ITGA11: variants seen among roughly 807,000 people sequenced by gnomAD.
ITGA11 encodes integrin alpha-11.
ITGA11 carries 97 observed loss-of-function variants against 141.9 expected under a neutral mutation model. That is an observed-to-expected ratio of 0.68 (90% CI 0.58 to 0.81). The LOEUF (loss-of-function observed/expected upper bound fraction) is 0.81. Ranked by LOEUF, ITGA11 falls within the 30% of genes least tolerant of loss-of-function variation. The pLI is 0.00. For missense variants in ITGA11, 1,387 were observed against 1,559.2 expected (o/e 0.89, Z 1.86); for synonymous variants, 658 against 624.6 (o/e 1.05, Z -0.80).
intron 2 of ITGA11, among the ~76,000 whole-genome samples, chr15:68,371,578 C>T (rs1050821681): frequency 2.0e-5 from 3 of 151,840 alleles, no homozygotes; most frequent in Non-Finnish European, 4.4e-5. Context: ...AGTAGCTGGG[C>T]GTGGTGGTGG....
At chr15:68,415,536 T>C (rs1481537008) in intron 1 of ITGA11, among the ~76,000 whole-genome samples, 19 of 152,142 alleles carry the variant, frequency 1.2e-4, no homozygotes, top group Admixed American at 1.2e-3. Context: ...ATTATCTCAT[T>C]TGGGAAACAG....
At chr15:68,415,393 G>T (rs975185718) in intron 1 of ITGA11, among the ~76,000 whole-genome samples, 2 of 152,218 alleles carry the variant, frequency 1.3e-5, no homozygotes, top group African/African-American at 2.4e-5. Context: ...CCATTTGAAG[G>T]CTGGATAGAG....
chr15:68,410,787 C>T (rs1049573175), intron 1 of ITGA11, among the ~76,000 whole-genome samples: 11 of 152,106 alleles, frequency 7.2e-5, no homozygotes, highest in African/African-American at 9.7e-5. Context: ...GGCACTAGTG[C>T]GATAGAGCAA....
At chr15:68,378,093 C>T (rs1895772142) in intron 2 of ITGA11, among the ~76,000 whole-genome samples, 1 of 152,192 alleles carries the variant, frequency 6.6e-6, no homozygotes, top group African/African-American at 2.4e-5. Context: ...GGAGTGTCTA[C>T]ATGTGTAATG....
Position 68,297,644 on chromosome 15 carries a change from T to C in ITGA11, c.*5415A>G, listed in dbSNP as rs1015225696. On this transcript the variant is annotated 3_prime_UTR_variant, in exon 30 of 30. Transcript: ENST00000315757. ...ATGGTTTTTTTTGTTTTTAAAGAAA[T>C]AAATTTTCAGTTACTTCTTTTGGAT... The C allele has an allele frequency of 1.3e-5, 2 of 152,070 alleles. No homozygotes were observed. Among genetic ancestry groups the C allele is most frequent in the East Asian group, 3.8e-4 (2 of 5,196 alleles). The allele number at this position is 152,070 out of a possible 1,614,324, so 9.4% of individuals were successfully genotyped here.
chr15:68,343,427 T>C (rs181306410), intron 10 of ITGA11, among the ~76,000 whole-genome samples: 135 of 152,318 alleles, frequency 8.9e-4, no homozygotes, highest in Non-Finnish European at 1.6e-3. Flanking sequence ...TTCACAAATA[T>C]TCTTCAGACA....
Position 68,297,883 on chromosome 15 carries a change from G to A in ITGA11, c.*5176C>T, listed in dbSNP as rs1892943520. 6.6e-6 allele frequency: 1 copy of A among 152,108 alleles called. No homozygotes were observed. The highest frequency in any genetic ancestry group is 2.1e-4 in the South Asian group (1 of 4,824). The allele number at this position is 152,108 out of a possible 1,614,324, so 9.4% of individuals were successfully genotyped here. ...TCTCATTTTATAGTTCAGGACACAA[G>A]CCCAGAAAGGCCACACAAGGACTAT... On this transcript the variant is annotated 3_prime_UTR_variant, in exon 30 of 30. Transcript: ENST00000315757.
intron 23 of ITGA11, 65 bp downstream of exon 23, chr15:68,313,714 C>G (rs1243564846): frequency 1.5e-6 from 2 of 1,296,378 alleles, no homozygotes; most frequent in Admixed American, 3.8e-5. Flanking sequence ...GATGCCCCCC[C>G]TTAGGCCTCC....
Position 68,317,249 on chromosome 15 carries a change from T to C in ITGA11, c.2715+16A>G, listed in dbSNP as rs1185041282. 41 of 1,590,594 alleles carry C rather than the reference T, an allele frequency of 2.6e-5. No homozygotes were observed. Among genetic ancestry groups the C allele is most frequent in the Non-Finnish European group, 3.3e-5 (38 of 1,159,168 alleles). ...TGCCCACCCTGACCCTCCCCCACAT[T>C]GTCCCCAGTCTCAACCTTGGCCTTG... On this transcript the variant is annotated intron_variant, in intron 21 of 29. Coordinates refer to ENST00000315757, the MANE Select transcript of ITGA11 (RefSeq NM_001004439.2).
chr15:68,335,143 G>A lies in ITGA11; in HGVS notation c.1425+554C>T, dbSNP rs570245045. Among the ~76,000 whole-genome samples the A allele has an allele frequency of 1.3e-5, 2 of 152,132 alleles. No homozygotes were observed. The highest frequency in any genetic ancestry group is 4.8e-5 in the African/African-American group (2 of 41,442). On this transcript the variant is annotated intron_variant, in intron 12 of 29. Coordinates refer to ENST00000315757, the MANE Select transcript of ITGA11 (RefSeq NM_001004439.2). This position sits in a 1 kb window ranked among gnomAD's most constrained non-coding sequence, Gnocchi z 4.9. ...CCTAGAGAGGGCACAGATGCTGCTG[G>A]TTAGGAGGAGCCCAGGCCTGATTTT...
chr15:68,362,436 G>C (rs1221283221), intron 4 of ITGA11, among the ~76,000 whole-genome samples: 1 of 152,168 alleles, frequency 6.6e-6, no homozygotes. Flanking sequence ...TTTAAGCTCA[G>C]ATCTTAAAGG....
chr15:68,357,016 A>T (rs1431264389), intron 7 of ITGA11, 135 bp downstream of exon 7: 4 of 834,012 alleles, frequency 4.8e-6, no homozygotes, highest in Non-Finnish European at 7.3e-6. Context: ...GCCCAGTCAA[A>T]CTCCAGAATT....
intron 1 of ITGA11, among the ~76,000 whole-genome samples, chr15:68,416,732 A>G (rs1027450867): frequency 2.0e-5 from 3 of 152,100 alleles, no homozygotes; most frequent in Non-Finnish European, 2.9e-5. Flanking sequence ...CCTGGGCAAC[A>G]TGGTGAAACC....
At chr15:68,342,567 G>C (rs1376162405) in intron 10 of ITGA11, among the ~76,000 whole-genome samples, 2 of 152,204 alleles carry the variant, frequency 1.3e-5, no homozygotes, top group Non-Finnish European at 2.9e-5. Flanking sequence ...CTCTGAGGCA[G>C]TCTTGCCTTC....
At chr15:68,347,028 G>A (rs147492115) in intron 10 of ITGA11, among the ~76,000 whole-genome samples, 1 of 152,326 alleles carries the variant, frequency 6.6e-6, no homozygotes, top group East Asian at 1.9e-4. Context: ...GACTCCTGGT[G>A]GCAAGAATCA....
At position 68,350,830 on chromosome 15, in the gene ITGA11, C is replaced by T. The variant is rs576844193; in HGVS notation, c.895-48G>A. 3 of 1,573,400 alleles carry T rather than the reference C, an allele frequency of 1.9e-6. No individual in the cohort carries two copies. The African/African-American group carries it at 4.0e-5, about 21-fold the overall frequency. ...ACCACAAACCAGAACATAGCACAGA[C>T]TTTCCCATACACCACACGGCCTAGA... On this transcript the variant is annotated intron_variant, in intron 8 of 29. Transcript: ENST00000315757.
chr15:68,365,035 A>G, intron 3 of ITGA11: 1 of 650,492 alleles, frequency 1.5e-6, no homozygotes, highest in South Asian at 6.8e-5. Flanking sequence ...AAGGTCACAC[A>G]GTGAGCACTC....
At chr15:68,314,680 C>T (rs751408380) in intron 22 of ITGA11, among the ~76,000 whole-genome samples, 10 of 152,166 alleles carry the variant, frequency 6.6e-5, no homozygotes, top group South Asian at 2.1e-4. Context: ...CCTGTGAAGA[C>T]GGGACTGGGC....
At chr15:68,377,187 T>A (rs1895750166) in intron 2 of ITGA11, among the ~76,000 whole-genome samples, 1 of 152,228 alleles carries the variant, frequency 6.6e-6, no homozygotes, top group Non-Finnish European at 1.5e-5. Flanking sequence ...ATTCACTTAT[T>A]TAAAAACTGT....
Sources: allele counts gnomAD v4.1 joint callset (sites outside exome capture counted in the v4.1 genomes callset), GRCh38; gene constraint gnomAD v4.1.1; non-coding constraint Gnocchi (gnomAD v3.1); transcripts MANE v1.5; gene names NCBI Gene and HGNC (gene_info 2026-07-23, HGNC 2026-07-21).